The following CEP55 variants were observed in gnomAD, a reference collection of about 807,000 sequenced individuals.
CEP55 encodes centrosomal protein of 55 kDa.
CEP55 carries 57 observed loss-of-function variants against 63.2 expected under a neutral mutation model. The observed-to-expected ratio is 0.90, with a 90% confidence interval of 0.73 to 1.13. CEP55 has a LOEUF of 1.13. CEP55 is among the 50% of genes most tolerant of loss of function. The pLI is 0.00. For missense variants in CEP55, 456 were observed against 518.9 expected (o/e 0.88, Z 1.18); for synonymous variants, 178 against 191.6 (o/e 0.93, Z 0.59).
chr10:93,520,612 T>C (rs1180744943), intron 8 of CEP55, among the ~76,000 whole-genome samples: 1 of 152,142 alleles, frequency 6.6e-6, no homozygotes, highest in African/African-American at 2.4e-5. Context: ...TTACTTATTC[T>C]CACCTTACTA....
At chr10:93,511,925 A>G (rs1457992160) in intron 4 of CEP55, among the ~76,000 whole-genome samples, 1 of 151,806 alleles carries the variant, frequency 6.6e-6, no homozygotes, top group African/African-American at 2.4e-5. Context: ...GAAAAGAAAA[A>G]TAAAATAAAT....
chr10:93,514,329 T>G (rs375868640), intron 4 of CEP55, among the ~76,000 whole-genome samples: 1 of 152,218 alleles, frequency 6.6e-6, no homozygotes, highest in Non-Finnish European at 1.5e-5. Flanking sequence ...GAAACCCCTA[T>G]ACAAACAGGT....
chr10:93,527,219 A>G (rs982651869), intron 8 of CEP55, among the ~76,000 whole-genome samples: 2 of 152,224 alleles, frequency 1.3e-5, no homozygotes, highest in Non-Finnish European at 2.9e-5. Context: ...TCTCAAAGGT[A>G]TGATAGAATA....
chr10:93,512,214 G>A (rs557791947), intron 4 of CEP55, among the ~76,000 whole-genome samples: 37 of 79,086 alleles, frequency 4.7e-4, no homozygotes, highest in African/African-American at 1.6e-3. Context: ...GCCACAGAGC[G>A]AGACTCCGTT....
intron 8 of CEP55, among the ~76,000 whole-genome samples, chr10:93,526,090 A>G (rs58992030): frequency 0.027 from 4,112 of 152,196 alleles, 159 homozygotes; most frequent in African/African-American, 0.083. Flanking sequence ...GACAAATGGG[A>G]TCTAATTAAA....
intron 8 of CEP55, among the ~76,000 whole-genome samples, chr10:93,525,863 C>T (rs1240585952): frequency 1.3e-5 from 2 of 151,768 alleles, no homozygotes; most frequent in Admixed American, 6.6e-5. Flanking sequence ...ATAAATGGTG[C>T]TGGGAAAACT....
intron 1 of CEP55, among the ~76,000 whole-genome samples, chr10:93,499,071 G>C (rs1023540918): frequency 6.6e-6 from 1 of 151,992 alleles, no homozygotes; most frequent in African/African-American, 2.4e-5. Flanking sequence ...TTATATACTT[G>C]TTTCTAAACT....
intron 8 of CEP55, among the ~76,000 whole-genome samples, chr10:93,526,521 G>T (rs1343934475): frequency 6.6e-6 from 1 of 152,206 alleles, no homozygotes; most frequent in Non-Finnish European, 1.5e-5. Flanking sequence ...GTGGAAGTCA[G>T]TGTGGCAATT....
chr10:93,526,792 A>T (rs1343121123), intron 8 of CEP55, among the ~76,000 whole-genome samples: 1 of 152,208 alleles, frequency 6.6e-6, no homozygotes, highest in Non-Finnish European at 1.5e-5. Flanking sequence ...AGGGACACGG[A>T]TGAAGCTGGA....
intron 5 of CEP55, among the ~76,000 whole-genome samples, 185 bp downstream of exon 5, chr10:93,515,740 A>G (rs1159270500): frequency 6.6e-6 from 1 of 152,250 alleles, no homozygotes; most frequent in Admixed American, 6.5e-5. Flanking sequence ...ATCAAAAGAA[A>G]GTACCAACAC....
At chr10:93,527,560 T>C (rs948118810) in intron 8 of CEP55, among the ~76,000 whole-genome samples, 2 of 152,254 alleles carry the variant, frequency 1.3e-5, no homozygotes, top group South Asian at 2.1e-4. Context: ...ATAATACTTA[T>C]GGAACAGTTA....
In CEP55 at chr10:93,528,189, A is replaced by G. The variant is rs1474474428; in HGVS notation, c.*36A>G. ...ATTTGTTTTGATATTAAAAGATTCA[A>G]TACTGTATTTTCTGTTAGCTTGTGG... On this transcript the variant is annotated 3_prime_UTR_variant, in exon 9 of 9. Coordinates refer to ENST00000371485, the MANE Select transcript of CEP55 (RefSeq NM_018131.5). 3 of 1,548,086 alleles carry G rather than the reference A, an allele frequency of 1.9e-6. No individual in the cohort carries two copies. The highest frequency in any genetic ancestry group is 2.7e-6 in the Non-Finnish European group (3 of 1,122,914).
intron 4 of CEP55, among the ~76,000 whole-genome samples, chr10:93,514,215 G>A (rs2057780327): frequency 6.6e-6 from 1 of 152,112 alleles, no homozygotes; most frequent in South Asian, 2.1e-4. Context: ...TTACAGGTGT[G>A]AGCCACTGCC....
chr10:93,519,774 A>G lies in CEP55; in HGVS notation c.1158A>G (p.Lys386=), dbSNP rs779790859. 7.4e-6 allele frequency: 12 copies of G among 1,614,176 alleles called. No homozygotes were observed. The highest frequency in any genetic ancestry group is 1.0e-5 in the Non-Finnish European group (12 of 1,180,016). ...ATGTAATTCTTAAGGAGCTCCGAAA[A>G]GCAAGAAATCAAATAACACAGTTGG... ...QLHVILKELR[K]ARNQITQLES... The change falls in exon 8 of 9, where the codon AAA becomes AAG. Residue 386 remains lysine, a synonymous_variant. Transcript: ENST00000371485.
chr10:93,507,477 C>T (rs1314497392), intron 4 of CEP55, among the ~76,000 whole-genome samples: 5 of 151,896 alleles, frequency 3.3e-5, no homozygotes, highest in Non-Finnish European at 5.9e-5. Flanking sequence ...CCACCTCAGC[C>T]TTTCAAAGTG....
At chr10:93,522,626 A>T (rs2057876437) in intron 8 of CEP55, among the ~76,000 whole-genome samples, 1 of 152,200 alleles carries the variant, frequency 6.6e-6, no homozygotes, top group Non-Finnish European at 1.5e-5. Flanking sequence ...ACTCCAAGAC[A>T]CATAATTGTC....
At chr10:93,520,014 C>T (rs3817482) in intron 8 of CEP55, 414,628 of 587,540 alleles carry the variant, frequency 0.71, 152,035 homozygotes, top group Non-Finnish European at 0.77. Flanking sequence ...TGGAAACATT[C>T]CCCCAACTAC....
chr10:93,524,373 C>T (rs1442084015), intron 8 of CEP55, among the ~76,000 whole-genome samples: 1 of 152,066 alleles, frequency 6.6e-6, no homozygotes, highest in Non-Finnish European at 1.5e-5. Context: ...CATACACCCT[C>T]CCAAGACTAA....
intron 7 of CEP55, among the ~76,000 whole-genome samples, chr10:93,519,479 C>T (rs555909541): frequency 6.6e-5 from 10 of 152,320 alleles, no homozygotes; most frequent in South Asian, 2.1e-4. Context: ...TATACCTCAG[C>T]GTTGGCTTTG....
Sources: allele counts gnomAD v4.1 joint callset (sites outside exome capture counted in the v4.1 genomes callset), GRCh38; gene constraint gnomAD v4.1.1; transcripts MANE v1.5; gene names NCBI Gene and HGNC (gene_info 2026-07-23, HGNC 2026-07-21).